TBC1D32: variants seen among roughly 807,000 people sequenced by gnomAD.
TBC1D32 encodes the protein protein broad-minded.
A neutral mutation model predicts 170.3 loss-of-function variants in TBC1D32; 151 were observed. That is an observed-to-expected ratio of 0.89 (90% CI 0.78 to 1.01). The LOEUF (loss-of-function observed/expected upper bound fraction) is 1.01, where lower values mean the gene tolerates loss of function less well. Ranked by LOEUF, TBC1D32 falls within the 50% of genes least tolerant of loss-of-function variation. TBC1D32 has a pLI of 0.00. For missense variants in TBC1D32, 1,464 were observed against 1,457.1 expected (o/e 1.00, Z -0.08); for synonymous variants, 498 against 488.0 (o/e 1.02, Z -0.27).
At chr6:121,281,324 C>A (rs9320800) in intron 14 of TBC1D32, among the ~76,000 whole-genome samples, 75,349 of 133,874 alleles carry the variant, frequency 0.56, 22,107 homozygotes, top group Non-Finnish European at 0.74. Flanking sequence ...TAAAAAAAAA[C>A]TTAGATATTC....
intron 31 of TBC1D32, among the ~76,000 whole-genome samples, chr6:121,086,111 T>C (rs1390862251): frequency 1.3e-5 from 2 of 152,068 alleles, no homozygotes; most frequent in Non-Finnish European, 2.9e-5. Flanking sequence ...AAGAAGAATC[T>C]AGTAGAGGGA....
At chr6:121,208,738 A>AAAC (rs1554269747) in intron 21 of TBC1D32, among the ~76,000 whole-genome samples, 11 of 150,958 alleles carry the variant, frequency 7.3e-5, no homozygotes, top group African/African-American at 2.7e-4. Context: ...GGAAAAAAAA[A>AAAC]AAAAAAAAAC....
intron 15 of TBC1D32, among the ~76,000 whole-genome samples, chr6:121,262,717 T>A (rs1044293405): frequency 2.0e-5 from 3 of 152,256 alleles, no homozygotes; most frequent in African/African-American, 7.2e-5. Context: ...CCTCAGGTGA[T>A]CTGCCCGCCT....
intron 31 of TBC1D32, among the ~76,000 whole-genome samples, chr6:121,084,555 T>C (rs1775992406): frequency 6.6e-6 from 1 of 152,116 alleles, no homozygotes; most frequent in Admixed American, 6.6e-5. Context: ...AAGGGAGCCA[T>C]TTATCTAAAA....
chr6:121,117,442 C>T (rs1419401870), intron 26 of TBC1D32, among the ~76,000 whole-genome samples: 1 of 152,138 alleles, frequency 6.6e-6, no homozygotes, highest in Non-Finnish European at 1.5e-5. Flanking sequence ...TGGCACAAGC[C>T]TGTAATCCCA....
At chr6:121,269,301 A>G (rs1801008296) in intron 15 of TBC1D32, among the ~76,000 whole-genome samples, 3 of 152,320 alleles carry the variant, frequency 2.0e-5, no homozygotes, top group Middle Eastern at 3.4e-3. Flanking sequence ...TGCTCCAATT[A>G]AAAGACATAG....
intron 22 of TBC1D32, among the ~76,000 whole-genome samples, chr6:121,188,024 T>A (rs1428627856): frequency 6.6e-6 from 1 of 152,134 alleles, no homozygotes; most frequent in East Asian, 1.9e-4. Context: ...AACCGGTCTA[T>A]CTGGATTCAA....
intron 31 of TBC1D32, among the ~76,000 whole-genome samples, chr6:121,082,900 A>G (rs1159056503): frequency 6.6e-6 from 1 of 151,998 alleles, no homozygotes. Context: ...AAATTTTAAT[A>G]CACATTTAAA....
rs200409965 is a variant in TBC1D32, at chr6:121,294,631, C to G, written c.1170G>C (p.Gln390His). ...LVTTAIQQCV[Q>H]YFEMCKTRKA... ...TCCTAGTCTTACACATTTCAAAGTA[C>G]TGAACACACTGTTGAATGGCTGTAG... Residue 390 changes from glutamine (Q) to histidine (H), a missense_variant, in exon 11 of 32, where the codon CAG (glutamine) becomes CAC (histidine). Physicochemically the swap from Gln to His is conservative, Grantham distance 24 (BLOSUM62 0). Coordinates refer to ENST00000398212, the MANE Select transcript of TBC1D32 (RefSeq NM_152730.6). 2.9e-4 allele frequency: 474 copies of G among 1,612,310 alleles called. No homozygotes were observed. The highest frequency in any genetic ancestry group is 3.8e-4 in the Non-Finnish European group (445 of 1,179,324).
intron 22 of TBC1D32, among the ~76,000 whole-genome samples, chr6:121,188,643 A>C (rs1384063076): frequency 6.6e-6 from 1 of 152,170 alleles, no homozygotes; most frequent in African/African-American, 2.4e-5. Context: ...AACAAAACAA[A>C]ATAAGGAATT....
chr6:121,274,356 C>T (rs1414010112), intron 15 of TBC1D32, among the ~76,000 whole-genome samples: 1 of 145,966 alleles, frequency 6.9e-6, no homozygotes. Flanking sequence ...AAACAAACAA[C>T]AACAAAAAAA....
chr6:121,310,741 TTA>T (rs1808063984), intron 4 of TBC1D32, 36 bp downstream of exon 4: 1 of 1,276,120 alleles, frequency 7.8e-7, no homozygotes, highest in Admixed American at 2.0e-5. Flanking sequence ...TAAATGTATG[TTA>T]TCTGCATGAA....
Position 121,205,141 on chromosome 6 carries a change from A to T in TBC1D32, c.2504T>A (p.Ile835Asn). 1 of 1,507,292 alleles carries T rather than the reference A, an allele frequency of 6.6e-7. No individual in the cohort carries two copies. Among genetic ancestry groups the T allele is most frequent in the African/African-American group, 1.4e-5 (1 of 70,942 alleles). The allele number at this position is 1,507,292 out of a possible 1,614,324, so 93.4% of individuals were successfully genotyped here. The change falls in exon 22 of 32, where the codon ATT becomes AAT. Residue 835 changes from isoleucine to asparagine, a missense_variant. Physicochemically the swap from Ile to Asn is moderately radical, Grantham distance 149 (BLOSUM62 -3). This residue lies in a region of TBC1D32 where 1,363 missense variants were observed against 1,338.1 expected (regional missense o/e 1.02). Coordinates refer to ENST00000398212, the MANE Select transcript of TBC1D32 (RefSeq NM_152730.6). ...ACGAATCTTAGCTTCAGAATTCAAA[A>T]TTATAAGTCTATCAATAATATCCTG... ...CVIDIIDRLI[I>N]LNSEAKIRSL...
intron 22 of TBC1D32, among the ~76,000 whole-genome samples, chr6:121,178,304 T>A (rs1788039929): frequency 6.6e-6 from 1 of 152,164 alleles, no homozygotes; most frequent in African/African-American, 2.4e-5. Flanking sequence ...GTGATGACTC[T>A]GGATTTTGTT....
chr6:121,258,317 A>G (rs1310810279), intron 15 of TBC1D32, among the ~76,000 whole-genome samples: 1 of 152,124 alleles, frequency 6.6e-6, no homozygotes, highest in East Asian at 1.9e-4. Context: ...TTCAATCAAA[A>G]TTAGATTATT....
At chr6:121,308,697 T>C (rs1422365144) in intron 4 of TBC1D32, among the ~76,000 whole-genome samples, 1 of 138,426 alleles carries the variant, frequency 7.2e-6, no homozygotes, top group Non-Finnish European at 1.5e-5. Context: ...TTTTTTTTTT[T>C]TTTTTTTTTG....
Position 121,242,242 on chromosome 6 carries a change from A to G in TBC1D32, c.2116T>C (p.Cys706Arg), listed in dbSNP as rs1797077432. 1 of 1,612,556 alleles carries G rather than the reference A, an allele frequency of 6.2e-7. No homozygotes were observed. The highest frequency in any genetic ancestry group is 2.2e-5 in the East Asian group (1 of 44,704). Residue 706 changes from cysteine (C) to arginine (R), a missense_variant, in exon 18 of 32, where the codon TGT becomes CGT. By Grantham distance (180) the Cys-to-Arg change is radical. This residue lies in a region of TBC1D32 where 1,363 missense variants were observed against 1,338.1 expected (regional missense o/e 1.02). Transcript: ENST00000398212. Reference protein sequence around the residue: ...LLQRTGAINECVTFIFNRYAK... With the variant: ...LLQRTGAINERVTFIFNRYAK... ...TATCGATTGAATATAAATGTCACAC[A>G]TTCATTGATAGCACCTGTTCTTTGA...
intron 21 of TBC1D32, among the ~76,000 whole-genome samples, chr6:121,209,915 T>C (rs1412209110): frequency 2.0e-5 from 3 of 152,204 alleles, no homozygotes; most frequent in Non-Finnish European, 2.9e-5. Flanking sequence ...AAATGTCCCA[T>C]TTTGCCTAAA....
intron 24 of TBC1D32, chr6:121,139,855 C>T (rs1329417720): frequency 6.6e-6 from 1 of 152,060 alleles, no homozygotes. Context: ...GAAATGTTAT[C>T]TATCATTAGT....
Sources: gnomAD v4.1 joint callset for allele counts (sites outside exome capture counted in the v4.1 genomes callset) on GRCh38, gnomAD v4.1.1 for gene constraint, gnomAD v4.1.1 regional missense constraint, MANE v1.5 for transcripts, NCBI Gene and HGNC (gene_info 2026-07-23, HGNC 2026-07-21) for gene names.